The following NIFK variants were observed in gnomAD, a reference collection of about 807,000 sequenced individuals.
NIFK encodes nucleolar protein interacting with the FHA domain of MKI67, also known as MKI67 FHA domain-interacting nucleolar phosphoprotein.
A neutral mutation model predicts 31.7 loss-of-function variants in NIFK; 16 were observed. That is an observed-to-expected ratio of 0.50 (90% CI 0.34 to 0.77). The LOEUF is 0.77. NIFK is among the 30% of genes least tolerant of loss of function. The pLI is 0.01. For synonymous variants in NIFK, 126 were observed against 123.0 expected (o/e 1.02, Z -0.16); for missense variants, 341 against 350.4 (o/e 0.97, Z 0.21).
intron 6 of NIFK, 183 bp downstream of exon 6, chr2:121,728,105 T>A: frequency 1.5e-6 from 1 of 688,472 alleles, no homozygotes; most frequent in Non-Finnish European, 2.4e-6. Context: ...AATTCACAAT[T>A]AACAAATATA....
intron 4 of NIFK, among the ~76,000 whole-genome samples, chr2:121,729,215 A>G (rs572855828): frequency 1.3e-5 from 2 of 151,976 alleles, no homozygotes; most frequent in African/African-American, 4.8e-5. Context: ...AAAATACAAA[A>G]AATTAGCTGG....
At chr2:121,729,237 T>G (rs1011733761) in intron 4 of NIFK, among the ~76,000 whole-genome samples, 4 of 151,828 alleles carry the variant, frequency 2.6e-5, no homozygotes, top group African/African-American at 4.8e-5. Flanking sequence ...TGTGGTGGTG[T>G]GTGCCTGTAG....
chr2:121,730,780 A>C (rs746975894), intron 4 of NIFK, 113 bp downstream of exon 4: 1 of 714,012 alleles, frequency 1.4e-6, no homozygotes, highest in African/African-American at 1.8e-5. Context: ...AGGATGTGGA[A>C]GTTGCAGTGA....
chr2:121,734,839 A>C lies in NIFK; in HGVS notation c.243+774T>G, dbSNP rs2074568238. 2.0e-5 allele frequency among the ~76,000 whole-genome samples: 3 copies of C among 152,312 alleles called. No homozygotes were observed. In the East Asian group the frequency reaches 5.8e-4, roughly 29 times the overall value. ...TGTGAATTTAATTCCCTAATTAAAG[A>C]AGTTGAAGAGCACTGGGAAGGGTAC... is the stretch of plus-strand genomic sequence containing the variant. On this transcript the variant is annotated intron_variant, in intron 2 of 6. Coordinates refer to ENST00000285814, the MANE Select transcript of NIFK (RefSeq NM_032390.5).
At chr2:121,731,703 T>A (rs972584695) in intron 3 of NIFK, among the ~76,000 whole-genome samples, 4 of 152,162 alleles carry the variant, frequency 2.6e-5, no homozygotes, top group Admixed American at 6.6e-5. Context: ...ATCATTGGTT[T>A]GGCATTCACT....
chr2:121,736,714 C>T, intron 1 of NIFK, 32 bp downstream of exon 1: 2 of 1,580,370 alleles, frequency 1.3e-6, no homozygotes, highest in Non-Finnish European at 1.7e-6. Context: ...CCATCGCCCC[C>T]GCTCGCAGCC....
intron 2 of NIFK, among the ~76,000 whole-genome samples, chr2:121,732,566 A>G (rs947972788): frequency 6.6e-6 from 1 of 152,230 alleles, no homozygotes; most frequent in Non-Finnish European, 1.5e-5. Context: ...TTCCAGCACC[A>G]GTTGTGTCAG....
At chr2:121,735,782 T>C (rs1045317327) in intron 1 of NIFK, 32 bp from the exon 2 acceptor site, 4 of 1,574,664 alleles carry the variant, frequency 2.5e-6, no homozygotes, top group Middle Eastern at 1.8e-4. Context: ...AAATTAAATA[T>C]ATAAATAAGA....
At chr2:121,728,947 C>A (rs1216218315) in intron 4 of NIFK, among the ~76,000 whole-genome samples, 2 of 152,068 alleles carry the variant, frequency 1.3e-5, no homozygotes, top group Admixed American at 6.6e-5. Context: ...GGGCCTAAGG[C>A]CTTGGCGAAA....
At chr2:121,729,367 CA>C (rs966976474) in intron 4 of NIFK, among the ~76,000 whole-genome samples, 168 of 62,124 alleles carry the variant, frequency 2.7e-3, no homozygotes, top group South Asian at 4.5e-3. Flanking sequence ...GACTCCATCT[CA>C]AAAAAAAAAA....
At chr2:121,733,300 A>T (rs1224123929) in intron 2 of NIFK, among the ~76,000 whole-genome samples, 1 of 152,094 alleles carries the variant, frequency 6.6e-6, no homozygotes, top group African/African-American at 2.4e-5. Context: ...GGATCACCTG[A>T]GATTGGGAGC....
At position 121,727,539 on chromosome 2, in the gene NIFK, AC is replaced by A. The variant is rs1449190212; in HGVS notation, c.*184del. 1.4e-6 allele frequency: 1 copy of A among 709,798 alleles called. No homozygotes were observed. The highest frequency in any genetic ancestry group is 2.6e-6 in the Non-Finnish European group (1 of 383,652). 44.0% of individuals were successfully genotyped at this position (709,798 alleles called of 1,614,324 possible). A position where few individuals can be genotyped will look rare whatever the true frequency, so the allele number is the denominator to read the frequency against. On this transcript the variant is annotated 3_prime_UTR_variant, in exon 7 of 7. Transcript: ENST00000285814. ...GCCAAGCCACTGCAAGATGGTATGCACCCCTGTATTTCAGCCAAGGGCAGGC... is the reference window on the plus strand; with the variant it reads ...GCCAAGCCACTGCAAGATGGTATGCACCCTGTATTTCAGCCAAGGGCAGGC...
rs187635665 is a variant in NIFK at position 121,727,755 on chromosome 2, C to T, written c.851G>A (p.Arg284Gln). ...IQETQTPTHS[R>Q]KKRRRSSNQ ...ATTGCTGCTTCTTCGTCTTTTTTTC[C>T]GTGAATGTGTAGGTGTTTGAGTCTC... The change falls in exon 7 of 7, where the codon CGG (arginine) becomes CAG (glutamine). Residue 284 changes from arginine to glutamine, a missense_variant. Physicochemically the swap from Arg to Gln is conservative, Grantham distance 43 (BLOSUM62 1). Transcript: ENST00000285814. 4.4e-6 allele frequency: 7 copies of T among 1,598,242 alleles called. No homozygotes were observed. The highest frequency in any genetic ancestry group is 4.1e-5 in the African/African-American group (3 of 73,644).
At chr2:121,729,154 G>A (rs886379163) in intron 4 of NIFK, among the ~76,000 whole-genome samples, 6 of 152,102 alleles carry the variant, frequency 3.9e-5, no homozygotes, top group African/African-American at 1.4e-4. Flanking sequence ...GAGGTCAGGA[G>A]TTCGAGACCA....
intron 6 of NIFK, 21 bp from the exon 7 acceptor site, chr2:121,727,933 T>C (rs368954538): frequency 1.7e-5 from 26 of 1,561,734 alleles, no homozygotes; most frequent in East Asian, 2.3e-5. Flanking sequence ...CAAGTAAAGA[T>C]TATAATACAT....
Position 121,736,823 on chromosome 2 carries a change from G to A in NIFK, c.28C>T (p.Pro10Ser), listed in dbSNP as rs769809873. Residue 10 changes from proline (P) to serine (S), a missense_variant, in exon 1 of 7, where the codon CCA (proline) becomes TCA (serine). Pro to Ser is a moderately conservative substitution (Grantham distance 74). Coordinates refer to ENST00000285814, the MANE Select transcript of NIFK (RefSeq NM_032390.5). Reference sequence around the variant, plus strand: ...TCCTGCGGATTAAGCGACAGGATTGGCCCAGCCGGGCCAGAAAAAGTCGCC... The same window carrying A: ...TCCTGCGGATTAAGCGACAGGATTGACCCAGCCGGGCCAGAAAAAGTCGCC... MATFSGPAG[P>S]ILSLNPQEDV... 1.9e-6 allele frequency: 3 copies of A among 1,614,166 alleles called. No homozygotes were observed. The highest frequency in any genetic ancestry group is 2.2e-5 in the South Asian group (2 of 91,090).
chr2:121,729,200 TAA>T (rs979895013), intron 4 of NIFK, among the ~76,000 whole-genome samples: 1 of 151,058 alleles, frequency 6.6e-6, no homozygotes, highest in Admixed American at 6.6e-5. Context: ...CTATCTCTAC[TAA>T]AAAAAATACA....
At chr2:121,736,654 G>C in intron 1 of NIFK, 92 bp downstream of exon 1, 2 of 1,097,808 alleles carry the variant, frequency 1.8e-6, no homozygotes, top group Non-Finnish European at 2.8e-6. Context: ...CGAAGGCAAG[G>C]GGCGCCCGGG....
chr2:121,729,845 C>T (rs1224563124), intron 4 of NIFK, among the ~76,000 whole-genome samples: 1 of 152,194 alleles, frequency 6.6e-6, no homozygotes, highest in African/African-American at 2.4e-5. Flanking sequence ...AAAGAAGCTT[C>T]CTCTTCTGTA....
Sources: gnomAD v4.1 joint callset for allele counts (sites outside exome capture counted in the v4.1 genomes callset) on GRCh38, gnomAD v4.1.1 for gene constraint, MANE v1.5 for transcripts, NCBI Gene and HGNC (gene_info 2026-07-23, HGNC 2026-07-21) for gene names.